Variants in SPATA13 observed in about 807,000 individuals in gnomAD.
SPATA13 encodes spermatogenesis associated 13, also known as spermatogenesis-associated protein 13.
A neutral mutation model predicts 104.0 loss-of-function variants in SPATA13; 50 were observed. The ratio of observed to expected loss-of-function variants is 0.48; its 90% confidence interval spans 0.38 to 0.61. SPATA13 has a LOEUF of 0.61. Among genes scored for constraint, SPATA13 ranks in the 20% least tolerant of loss-of-function variants. The pLI is 0.00. For synonymous variants in SPATA13, 606 were observed against 667.5 expected (o/e 0.91, Z 1.42); for missense variants, 1,524 against 1,690.6 (o/e 0.90, Z 1.73).
At chr13:24,082,271 T>A (rs536196955) in intron 3 of SPATA13, among the ~76,000 whole-genome samples, 1 of 152,324 alleles carries the variant, frequency 6.6e-6, no homozygotes, top group East Asian at 1.9e-4. Flanking sequence ...AAGTGTTCTG[T>A]GGCAGGGGCA....
At chr13:24,005,037 G>A (rs2137678271) in intron 2 of SPATA13, among the ~76,000 whole-genome samples, 1 of 152,146 alleles carries the variant, frequency 6.6e-6, no homozygotes, top group East Asian at 1.9e-4. Flanking sequence ...ATGACATATA[G>A]GTTATCTTTG....
At chr13:24,208,374 A>G (rs890020086) in intron 1 of SPATA13, among the ~76,000 whole-genome samples, 10 of 152,228 alleles carry the variant, frequency 6.6e-5, no homozygotes, top group African/African-American at 1.7e-4. Flanking sequence ...ACTGTGGAAT[A>G]AAATACAGAA....
chr13:24,091,466 TAGAAC>T (rs1276686252), intron 3 of SPATA13, among the ~76,000 whole-genome samples: 1 of 152,248 alleles, frequency 6.6e-6, no homozygotes, highest in African/African-American at 2.4e-5. Flanking sequence ...ATACGGCTGT[TAGAAC>T]AGAATATTCT....
At position 24,286,364 on chromosome 13, in the gene SPATA13, G is replaced by A. The variant is rs1207950357; in HGVS notation, c.2452G>A (p.Glu818Lys). Reference sequence around the variant, plus strand: ...GTGGTGGGGCCGCAGTGAAGATAAGGAAGCCTGGTTCCCCGCGAGCTTCGT... The same window carrying A: ...GTGGTGGGGCCGCAGTGAAGATAAGAAAGCCTGGTTCCCCGCGAGCTTCGT... ...DWWWGRSEDK[E>K]AWFPASFVRL... The change falls in exon 6 of 13, where the codon GAA becomes AAA. Residue 818 changes from glutamate to lysine, a missense_variant. Glu to Lys is a moderately conservative substitution (Grantham distance 56). This residue lies in a region of SPATA13 where 1,089 missense variants were observed against 1,135.9 expected (regional missense o/e 0.96). Coordinates refer to ENST00000382108, the MANE Select transcript of SPATA13 (RefSeq NM_001166271.3). The surrounding 1 kb of genome is among the most constrained non-coding windows in gnomAD (Gnocchi z 4.9). 10 of 1,612,672 alleles carry A rather than the reference G, an allele frequency of 6.2e-6. No homozygotes were observed. Among genetic ancestry groups the A allele is most frequent in the Admixed American group, 5.0e-5 (3 of 60,008 alleles).
chr13:24,007,199 C>T (rs569648863), intron 2 of SPATA13, among the ~76,000 whole-genome samples: 139 of 152,238 alleles, frequency 9.1e-4, no homozygotes, highest in Middle Eastern at 3.4e-3. Flanking sequence ...GGCCCTGAGG[C>T]TCTGAGCCCT....
intron 3 of SPATA13, among the ~76,000 whole-genome samples, chr13:24,135,854 T>A: frequency 6.6e-6 from 1 of 152,134 alleles, no homozygotes; most frequent in East Asian, 1.9e-4. Context: ...CTTAGGATCA[T>A]CTGGAGTGAT....
At chr13:24,277,329 A>G (rs1875073308) in intron 4 of SPATA13, among the ~76,000 whole-genome samples, 1 of 151,658 alleles carries the variant, frequency 6.6e-6, no homozygotes, top group Non-Finnish European at 1.5e-5. Flanking sequence ...CTGTAGTCCC[A>G]GCTACTCGGG....
chr13:24,222,473 T>TA (rs975640172), intron 1 of SPATA13, among the ~76,000 whole-genome samples: 3 of 151,938 alleles, frequency 2.0e-5, no homozygotes, highest in Non-Finnish European at 2.9e-5. Flanking sequence ...TCCTAATTAT[T>TA]TTTTTTTCCA....
At chr13:24,056,817 C>T (rs1173500685) in intron 3 of SPATA13, among the ~76,000 whole-genome samples, 1 of 152,018 alleles carries the variant, frequency 6.6e-6, no homozygotes, top group Non-Finnish European at 1.5e-5. Context: ...CTGATCGGGC[C>T]ACAGGTCCAA....
At chr13:24,291,871 C>T (rs1047838826) in intron 9 of SPATA13, among the ~76,000 whole-genome samples, 1 of 151,178 alleles carries the variant, frequency 6.6e-6, no homozygotes, top group Non-Finnish European at 1.5e-5. Context: ...ATTCTCCTGC[C>T]TCAGCCTCCC....
At chr13:24,185,055 C>T (rs1012784709) in intron 1 of SPATA13, among the ~76,000 whole-genome samples, 4 of 152,210 alleles carry the variant, frequency 2.6e-5, no homozygotes, top group African/African-American at 7.2e-5. Context: ...TGTTTTGCTT[C>T]TCCAGGGGAC....
Position 23,984,467 on chromosome 13 carries a change from C to T in SPATA13, c.-147+534C>T, listed in dbSNP as rs535388678. Reference sequence around the variant, plus strand: ...CTGTAAGTTGAATAGAAACCGTGTGCATTGTTCTAGGAATCTGTTTCTATC... The same window carrying T: ...CTGTAAGTTGAATAGAAACCGTGTGTATTGTTCTAGGAATCTGTTTCTATC... On this transcript the variant is annotated intron_variant, in intron 2 of 14. Transcript: ENST00000424834. Among the ~76,000 whole-genome samples the T allele has an allele frequency of 1.1e-4, 17 of 152,324 alleles. No individual in the cohort carries two copies. The South Asian group carries it at 2.9e-3, about 26-fold the overall frequency.
intron 3 of SPATA13, among the ~76,000 whole-genome samples, chr13:24,019,310 G>A (rs559024941): frequency 2.0e-5 from 3 of 151,742 alleles, no homozygotes; most frequent in African/African-American, 7.3e-5. Context: ...GGATGGTCTC[G>A]ATCTCCTGAC....
At chr13:24,126,133 A>G (rs971073042) in intron 3 of SPATA13, among the ~76,000 whole-genome samples, 2 of 152,112 alleles carry the variant, frequency 1.3e-5, no homozygotes, top group African/African-American at 4.8e-5. Context: ...CTGTTGCAAG[A>G]TCCTGCTGGA....
chr13:24,036,797 A>G (rs1239931939), intron 3 of SPATA13, among the ~76,000 whole-genome samples: 1 of 152,102 alleles, frequency 6.6e-6, no homozygotes, highest in Non-Finnish European at 1.5e-5. Flanking sequence ...GGCCCTTAGT[A>G]AATGCTGTCA....
intron 1 of SPATA13, among the ~76,000 whole-genome samples, chr13:24,177,860 CAT>C (rs1868528838): frequency 6.6e-6 from 1 of 152,030 alleles, no homozygotes; most frequent in Non-Finnish European, 1.5e-5. Flanking sequence ...AGGATTTCAA[CAT>C]ATGAATTTTT....
At chr13:24,194,739 C>T (rs1869955587) in intron 1 of SPATA13, among the ~76,000 whole-genome samples, 2 of 152,308 alleles carry the variant, frequency 1.3e-5, no homozygotes, top group African/African-American at 2.4e-5. Context: ...AAAAATTCTA[C>T]GTGCTTTACG....
chr13:24,300,308 T>G lies in SPATA13; in HGVS notation c.3584-93T>G. ...GGTTCTCTGTCTCAGGTTGTGGTGATAACCTCAATGCTGATATGGGCTGTG... is the reference window on the plus strand; with the variant it reads ...GGTTCTCTGTCTCAGGTTGTGGTGAGAACCTCAATGCTGATATGGGCTGTG... On this transcript the variant is annotated intron_variant, in intron 11 of 12. Transcript: ENST00000382108. 5 of 917,722 alleles carry G rather than the reference T, an allele frequency of 5.4e-6. No homozygotes were observed. The South Asian group carries it at 8.4e-5, about 15-fold the overall frequency. 56.8% of individuals were successfully genotyped at this position (917,722 alleles called of 1,614,324 possible).
At chr13:24,170,423 G>C (rs547303767) in intron 1 of SPATA13, among the ~76,000 whole-genome samples, 1 of 152,088 alleles carries the variant, frequency 6.6e-6, no homozygotes, top group East Asian at 1.9e-4. Flanking sequence ...AATTTTTGTG[G>C]GTGGACACTA....
Sources: allele counts gnomAD v4.1 joint callset (sites outside exome capture counted in the v4.1 genomes callset), GRCh38; gene constraint gnomAD v4.1.1; regional missense constraint gnomAD v4.1.1; non-coding constraint Gnocchi (gnomAD v3.1); transcripts MANE v1.5; gene names NCBI Gene and HGNC (gene_info 2026-07-23, HGNC 2026-07-21).